WWOX: variants seen among roughly 807,000 people sequenced by gnomAD.
The protein encoded by WWOX is WW domain-containing oxidoreductase.
Under a neutral mutation model 46.2 loss-of-function variants are expected in WWOX, and 69 were observed. The ratio of observed to expected loss-of-function variants is 1.49; its 90% CI spans 1.23 to 1.82. The LOEUF (loss-of-function observed/expected upper bound fraction) is 1.82, where lower values mean the gene tolerates loss of function less well. Ranked by LOEUF, WWOX falls within the 40% of genes most tolerant of loss-of-function variation. WWOX has a pLI of 0.00. For missense variants in WWOX, 919 were observed against 542.6 expected, an observed-to-expected ratio of 1.69 and a Z score of -6.89; for synonymous variants, 359 against 202.6, an observed-to-expected ratio of 1.77 and a Z score of -6.56.
intron 5 of WWOX, among the ~76,000 whole-genome samples, chr16:78,376,431 G>A (rs1440428112): frequency 6.6e-6 from 1 of 152,086 alleles, no homozygotes; most frequent in African/African-American, 2.4e-5. Context: ...CTTATCTTGG[G>A]GCAGTAGGAC....
chr16:79,151,082 G>A (rs909744451), intron 8 of WWOX, among the ~76,000 whole-genome samples: 9 of 152,054 alleles, frequency 5.9e-5, no homozygotes, highest in South Asian at 4.1e-4. Context: ...TATGAAATAC[G>A]TAAAGCTATC....
chr16:78,619,036 C>G (rs962409462), intron 8 of WWOX, among the ~76,000 whole-genome samples: 1 of 146,370 alleles, frequency 6.8e-6, no homozygotes, highest in African/African-American at 2.5e-5. Flanking sequence ...TGGCTCATGT[C>G]TGTAATTCCA....
intron 8 of WWOX, among the ~76,000 whole-genome samples, chr16:78,734,408 G>A (rs943369378): frequency 2.6e-5 from 4 of 152,106 alleles, no homozygotes; most frequent in African/African-American, 4.8e-5. Flanking sequence ...GCCCTAATTG[G>A]AATATAGTAA....
At chr16:78,814,862 C>G (rs1310221670) in intron 8 of WWOX, among the ~76,000 whole-genome samples, 1 of 152,222 alleles carries the variant, frequency 6.6e-6, no homozygotes, top group Non-Finnish European at 1.5e-5. Flanking sequence ...TGGGCTCTCT[C>G]GCGTGCGGTC....
At chr16:79,176,286 C>A (rs568132290) in intron 8 of WWOX, among the ~76,000 whole-genome samples, 1 of 152,208 alleles carries the variant, frequency 6.6e-6, no homozygotes, top group Non-Finnish European at 1.5e-5. Context: ...AGGCTGCAGC[C>A]ACTTAGTGGT....
chr16:79,092,523 A>G (rs971665320), intron 8 of WWOX, among the ~76,000 whole-genome samples: 3 of 152,166 alleles, frequency 2.0e-5, no homozygotes, highest in East Asian at 1.9e-4. Context: ...TCCCCTGGAA[A>G]TGGTTCTCTG....
intron 8 of WWOX, among the ~76,000 whole-genome samples, chr16:78,453,983 G>C (rs924112018): frequency 3.9e-5 from 6 of 152,066 alleles, no homozygotes; most frequent in Non-Finnish European, 7.4e-5. Context: ...CACCACACCT[G>C]GTTTTTGTTG....
intron 8 of WWOX, among the ~76,000 whole-genome samples, chr16:78,962,655 G>A (rs1380248089): frequency 1.3e-5 from 2 of 152,126 alleles, no homozygotes; most frequent in African/African-American, 4.8e-5. Context: ...AACTTGAGAT[G>A]TATCATTCCT....
chr16:78,308,152 G>A (rs1460397446), intron 5 of WWOX, among the ~76,000 whole-genome samples: 1 of 152,162 alleles, frequency 6.6e-6, no homozygotes, highest in Non-Finnish European at 1.5e-5. Flanking sequence ...CAGTGTGGGA[G>A]TCCTTCCCCT....
At chr16:78,923,277 G>A (rs114175614) in intron 8 of WWOX, among the ~76,000 whole-genome samples, 4 of 151,970 alleles carry the variant, frequency 2.6e-5, no homozygotes, top group East Asian at 1.9e-4. Flanking sequence ...CACTGTGCCC[G>A]GCCATCTTTC....
At chr16:78,875,256 A>C (rs1004651777) in intron 8 of WWOX, among the ~76,000 whole-genome samples, 9 of 152,032 alleles carry the variant, frequency 5.9e-5, no homozygotes, top group African/African-American at 2.2e-4. Flanking sequence ...TTAGGGTTCT[A>C]CCACTCCCAG....
At chr16:78,431,475 A>G (rs1341885864) in intron 7 of WWOX, among the ~76,000 whole-genome samples, 2 of 152,192 alleles carry the variant, frequency 1.3e-5, no homozygotes, top group African/African-American at 2.4e-5. Context: ...ATAATCCAGG[A>G]AAGCCCTGTC....
At chr16:78,294,897 A>G (rs1196154554) in intron 5 of WWOX, among the ~76,000 whole-genome samples, 3 of 152,224 alleles carry the variant, frequency 2.0e-5, no homozygotes, top group African/African-American at 2.4e-5. Flanking sequence ...GAATGAATGT[A>G]TGAGTGGGTC....
At chr16:78,571,339 T>C (rs2044711070) in intron 8 of WWOX, among the ~76,000 whole-genome samples, 1 of 152,214 alleles carries the variant, frequency 6.6e-6, no homozygotes, top group African/African-American at 2.4e-5. Context: ...TCATCATAGA[T>C]GACTTTGTGA....
chr16:78,777,168 ATGG>A (rs1567552750), intron 8 of WWOX, among the ~76,000 whole-genome samples: 149 of 55,798 alleles, frequency 2.7e-3, no homozygotes, highest in African/African-American at 7.4e-3. Flanking sequence ...CCATTGTTCA[ATGG>A]CTGTATTTCA....
chr16:78,562,570 C>G (rs1164273170), intron 8 of WWOX, among the ~76,000 whole-genome samples: 1 of 152,176 alleles, frequency 6.6e-6, no homozygotes, highest in Non-Finnish European at 1.5e-5. Flanking sequence ...GCACGTGCCT[C>G]CCTCTGGGCT....
chr16:78,424,558 A>G (rs940828161), intron 6 of WWOX, among the ~76,000 whole-genome samples: 16 of 152,202 alleles, frequency 1.1e-4, no homozygotes, highest in Middle Eastern at 3.2e-3. Flanking sequence ...AGTTCCAACT[A>G]GGGTGACAAC....
intron 5 of WWOX, among the ~76,000 whole-genome samples, chr16:78,354,498 T>C (rs2081245488): frequency 6.6e-6 from 1 of 152,160 alleles, no homozygotes; most frequent in Non-Finnish European, 1.5e-5. Flanking sequence ...TGAAAACTTG[T>C]ATAAACTGGC....
intron 5 of WWOX, among the ~76,000 whole-genome samples, chr16:78,357,649 A>G (rs1316763130): frequency 2.0e-5 from 3 of 152,146 alleles, no homozygotes; most frequent in Admixed American, 2.0e-4. Context: ...GGTGTTGGAG[A>G]TAGGATTATC....
Sources: gnomAD v4.1 joint callset for allele counts (sites outside exome capture counted in the v4.1 genomes callset) on GRCh38, gnomAD v4.1.1 for gene constraint, MANE v1.5 for transcripts, NCBI Gene and HGNC (gene_info 2026-07-23, HGNC 2026-07-21) for gene names.